Variants in CFAP46 observed in about 807,000 individuals in gnomAD.
CFAP46 encodes the protein cilia- and flagella-associated protein 46.
Under a neutral mutation model 325.7 loss-of-function variants are expected in CFAP46, and 245 were observed. The ratio of observed to expected loss-of-function variants is 0.75; its 90% CI spans 0.68 to 0.84. CFAP46 has a LOEUF of 0.84. Ranked by LOEUF, CFAP46 falls within the 40% of genes least tolerant of loss-of-function variation. The probability of loss-of-function intolerance (pLI) is 0.00; values close to 1 mark genes in which losing one functional copy is unlikely to be tolerated. For synonymous variants in CFAP46, 1,523 were observed against 1,495.9 expected, an observed-to-expected ratio of 1.02 and a Z score of -0.42; for missense variants, 3,346 against 3,543.0, an observed-to-expected ratio of 0.94 and a Z score of 1.41.
At position 132,866,059 on chromosome 10, in the gene CFAP46, C is replaced by T. The variant is rs762492981; in HGVS notation, c.4856G>A (p.Arg1619Gln). 25 of 1,534,864 alleles carry T rather than the reference C, an allele frequency of 1.6e-5. No homozygotes were observed. Among genetic ancestry groups the T allele is most frequent in the East Asian group, 2.5e-5 (1 of 40,116 alleles). The change falls in exon 35 of 58, where the codon CGG becomes CAG. Residue 1619 changes from arginine (R) to glutamine (Q), a missense_variant. Arg to Gln is a conservative substitution (Grantham distance 43). Transcript: ENST00000368586. ...CAGGTAAGCCTCCGACAGGAGCAGC[C>T]GTGCAGGCTGGTACAGGTTCATCTC... is the stretch of plus-strand genomic sequence containing the variant. ...LLEMNLYQPA[R>Q]LLLSEAYLAF...
intron 27 of CFAP46, 48 bp from the exon 28 acceptor site, chr10:132,881,080 G>T (rs893928220): frequency 2.7e-6 from 4 of 1,508,386 alleles, no homozygotes; most frequent in Non-Finnish European, 3.6e-6. Context: ...GGCCCTGAAG[G>T]CGTTCCTGAC....
intron 43 of CFAP46, 75 bp from the exon 44 acceptor site, chr10:132,846,302 G>T: frequency 6.8e-7 from 1 of 1,474,300 alleles, no homozygotes; most frequent in Non-Finnish European, 9.1e-7. Flanking sequence ...CGGAGGGTGC[G>T]CAGCAGCTGC....
chr10:132,854,978 C>A (rs1373101185), intron 39 of CFAP46, among the ~76,000 whole-genome samples: 1 of 152,136 alleles, frequency 6.6e-6, no homozygotes, highest in African/African-American at 2.4e-5. Flanking sequence ...TTCATGTGCA[C>A]ACAAAGAGCA....
intron 4 of CFAP46, among the ~76,000 whole-genome samples, chr10:132,940,633 AG>A (rs1387277034): frequency 6.6e-6 from 1 of 151,800 alleles, no homozygotes; most frequent in Non-Finnish European, 1.5e-5. Context: ...GCTGGAGTGC[AG>A]TGGCGTGATC....
intron 5 of CFAP46, among the ~76,000 whole-genome samples, chr10:132,938,199 G>A (rs1850040167): frequency 1.3e-5 from 2 of 152,196 alleles, no homozygotes; most frequent in Non-Finnish European, 2.9e-5. Flanking sequence ...CAACTTCCTC[G>A]CAGGGCTGCC....
Position 132,926,674 on chromosome 10 carries a change from T to C in CFAP46, c.967-8A>G, listed in dbSNP as rs1008564433. On this transcript the variant is annotated splice_region_variant and splice_polypyrimidine_tract_variant and intron_variant, in intron 9 of 57. Transcript: ENST00000368586. ...AATAAGCTTCCCAGGATCCTGCAGA[T>C]ATAAACAGTTTTTGAAAAGATGGAG... The C allele has an allele frequency of 1.3e-6, 2 of 1,531,144 alleles. No homozygotes were observed. Among genetic ancestry groups the C allele is most frequent in the Admixed American group, 3.9e-5 (2 of 50,998 alleles). 94.8% of individuals were successfully genotyped at this position (1,531,144 alleles called of 1,614,324 possible).
At chr10:132,825,139 T>C (rs1848020032) in intron 50 of CFAP46, among the ~76,000 whole-genome samples, 1 of 127,404 alleles carries the variant, frequency 7.8e-6, no homozygotes, top group Non-Finnish European at 1.6e-5. Context: ...GCTGTGTGTG[T>C]GGTGATGTGT....
At chr10:132,857,183 A>G (rs1848653627) in intron 39 of CFAP46, among the ~76,000 whole-genome samples, 1 of 152,096 alleles carries the variant, frequency 6.6e-6, no homozygotes, top group Admixed American at 6.5e-5. Flanking sequence ...CCTTGGTAGG[A>G]CACTCCGGGG....
intron 13 of CFAP46, among the ~76,000 whole-genome samples, chr10:132,920,519 C>T (rs1017734168): frequency 1.3e-5 from 2 of 152,212 alleles, no homozygotes; most frequent in Non-Finnish European, 2.9e-5. Flanking sequence ...CTCAGACTCC[C>T]GAGCTCCCAC....
At chr10:132,921,371 C>A (rs1849720120) in intron 13 of CFAP46, among the ~76,000 whole-genome samples, 1 of 152,212 alleles carries the variant, frequency 6.6e-6, no homozygotes, top group South Asian at 2.1e-4. Flanking sequence ...GGCGAGTGCC[C>A]AGAGAAGCTC....
chr10:132,895,221 G>A (rs4320879), intron 24 of CFAP46, among the ~76,000 whole-genome samples: 39,496 of 152,138 alleles, frequency 0.26, 6,356 homozygotes, highest in Admixed American at 0.45. Context: ...CCACACAACC[G>A]GCTCAATTGA....
chr10:132,844,520 C>T (rs562050572), intron 44 of CFAP46, among the ~76,000 whole-genome samples: 25 of 152,336 alleles, frequency 1.6e-4, no homozygotes, highest in Non-Finnish European at 2.2e-4. Flanking sequence ...CCCAGCCCGA[C>T]TGCACTGAGT....
At chr10:132,824,395 G>A (rs1452467164) in intron 50 of CFAP46, among the ~76,000 whole-genome samples, 4 of 133,094 alleles carry the variant, frequency 3.0e-5, no homozygotes, top group Non-Finnish European at 6.3e-5. Context: ...TGCTGTGTGT[G>A]CTGATGTGTG....
chr10:132,891,977 C>A (rs555116241), intron 25 of CFAP46, among the ~76,000 whole-genome samples: 2 of 152,206 alleles, frequency 1.3e-5, no homozygotes, highest in Non-Finnish European at 2.9e-5. Context: ...TATAAACCAA[C>A]GACCTTGGGC....
chr10:132,878,517 T>C (rs767317659), intron 29 of CFAP46, among the ~76,000 whole-genome samples: 1 of 152,146 alleles, frequency 6.6e-6, no homozygotes, highest in Non-Finnish European at 1.5e-5. Flanking sequence ...CCTGGGGGTC[T>C]GGGGCAGGCG....
At chr10:132,924,997 C>T in intron 10 of CFAP46, 111 bp from the exon 11 acceptor site, 1 of 859,038 alleles carries the variant, frequency 1.2e-6, no homozygotes, top group Non-Finnish European at 1.6e-6. Flanking sequence ...ATTCATCACC[C>T]TGCGTGGCGT....
chr10:132,829,425 C>T (rs1252571812), intron 50 of CFAP46, among the ~76,000 whole-genome samples: 2 of 152,234 alleles, frequency 1.3e-5, no homozygotes, highest in Non-Finnish European at 2.9e-5. Flanking sequence ...TTGCCAAAAT[C>T]ACTCACTAGT....
At chr10:132,837,085 G>A in intron 44 of CFAP46, 171 bp from the exon 45 acceptor site, 2 of 569,428 alleles carry the variant, frequency 3.5e-6, no homozygotes, top group South Asian at 4.3e-5. Context: ...AGTGACTCGG[G>A]GCTGCCACCA....
Position 132,939,063 on chromosome 10 carries a change from A to G in CFAP46, c.372-310T>C, listed in dbSNP as rs1330602131. Among the ~76,000 whole-genome samples, 1 of 152,032 alleles carries G rather than the reference A, an allele frequency of 6.6e-6. No individual in the cohort carries two copies. The highest frequency in any genetic ancestry group is 1.5e-5 in the Non-Finnish European group (1 of 67,982). On this transcript the variant is annotated intron_variant, in intron 4 of 57. Coordinates refer to ENST00000368586, the MANE Select transcript of CFAP46 (RefSeq NM_001200049.3). The surrounding 1 kb of genome is among the most constrained non-coding windows in gnomAD (Gnocchi z 4.6). The stretch of plus-strand genomic sequence containing the variant: ...CAGGGCCTTCTTCATCAATTATTCC[A>G]CAAACTGATCGGCCCCCTCCCATGA...
Sources: gnomAD v4.1 joint callset for allele counts (sites outside exome capture counted in the v4.1 genomes callset) on GRCh38, gnomAD v4.1.1 for gene constraint, Gnocchi (gnomAD v3.1) non-coding constraint, MANE v1.5 for transcripts, NCBI Gene and HGNC (gene_info 2026-07-23, HGNC 2026-07-21) for gene names.